KCNC4: variants seen among roughly 807,000 people sequenced by gnomAD.
KCNC4 encodes voltage-gated potassium channel KCNC4.
A neutral mutation model predicts 42.8 loss-of-function variants in KCNC4; 23 were observed. The observed-to-expected ratio is 0.54, with a 90% CI of 0.39 to 0.76. The LOEUF (loss-of-function observed/expected upper bound fraction) is 0.76, where lower values mean the gene tolerates loss of function less well. Among genes scored for constraint, KCNC4 ranks in the 30% least tolerant of loss-of-function variants. KCNC4 has a pLI of 0.00. For synonymous variants in KCNC4, 422 were observed against 393.5 expected, an observed-to-expected ratio of 1.07 and a Z score of -0.86; for missense variants, 751 against 898.2, an observed-to-expected ratio of 0.84 and a Z score of 2.10.
At chr1:110,274,877 T>C (rs1208628519) in intron 1 of KCNC4, among the ~76,000 whole-genome samples, 5 of 152,138 alleles carry the variant, frequency 3.3e-5, no homozygotes, top group Non-Finnish European at 7.4e-5. Flanking sequence ...GATGGATAAA[T>C]ACTTAAATGT....
Position 110,223,884 on chromosome 1 carries a change from C to T in KCNC4, c.1599C>T (p.Ile533=), listed in dbSNP as rs770979171. The change falls in exon 2 of 4, where the codon ATC becomes ATT. Residue 533 remains isoleucine (I), a synonymous_variant. Transcript: ENST00000438661. This position sits in a 1 kb window ranked among gnomAD's most constrained non-coding sequence, Gnocchi z 7.5. ...CCCCTGCCCGGGAAGAGGGTATGAT[C>T]GAGAGGAAACGGGCAGGTGAGATTA... The part of the protein sequence containing the change: ...TSPPAREEGM[I]ERKRADSKQN... 16 of 1,594,714 alleles carry T rather than the reference C, an allele frequency of 1.0e-5. No individual in the cohort carries two copies. The highest frequency in any genetic ancestry group is 5.1e-5 in the Admixed American group (3 of 59,006).
chr1:110,214,675 C>T (rs1571023467), intron 1 of KCNC4, among the ~76,000 whole-genome samples: 1 of 152,272 alleles, frequency 6.6e-6, no homozygotes, highest in East Asian at 1.9e-4. Flanking sequence ...AGCCAGAGTC[C>T]CTGACTCCCA....
intron 1 of KCNC4, among the ~76,000 whole-genome samples, chr1:110,280,921 T>A (rs1308928491): frequency 1.3e-5 from 2 of 152,144 alleles, no homozygotes; most frequent in Non-Finnish European, 2.9e-5. Flanking sequence ...TACCCAGAGC[T>A]GCCCAGTGAT....
chr1:110,274,832 C>A (rs1659690260), intron 1 of KCNC4, among the ~76,000 whole-genome samples: 1 of 152,104 alleles, frequency 6.6e-6, no homozygotes, highest in Admixed American at 6.5e-5. Flanking sequence ...TAAAACTGGA[C>A]CCCTGTCCCT....
chr1:110,283,532 C>T (rs942344199), downstream of KCNC4, among the ~76,000 whole-genome samples: 11 of 152,178 alleles, frequency 7.2e-5, no homozygotes, highest in African/African-American at 2.7e-4. Flanking sequence ...AGTGGAGACA[C>T]ACTGACTGGT....
In KCNC4 at chr1:110,210,361, C is replaced by T. The variant is rs896492493; in HGVS notation, c.-1139C>T. Among the ~76,000 whole-genome samples the T allele has an allele frequency of 1.3e-5, 2 of 151,628 alleles. No homozygotes were observed. Among genetic ancestry groups the T allele is most frequent in the Non-Finnish European group, 2.9e-5 (2 of 67,850 alleles). ...CAGCGCCGGAGGGAGACCATGAGCC[C>T]CTAGGGCCCCAGCCCACCGGCGCCG... On this transcript the variant is annotated 5_prime_UTR_variant, in exon 1 of 4. Coordinates refer to ENST00000438661, the MANE Select transcript of KCNC4 (RefSeq NM_001039574.3).
At chr1:110,224,040 A>G (rs543296604) in intron 2 of KCNC4, 140 bp downstream of exon 2, 94 of 707,926 alleles carry the variant, frequency 1.3e-4, no homozygotes, top group African/African-American at 2.7e-4. Flanking sequence ...TATGAGGGCA[A>G]AGTGTTGAGG....
At chr1:110,277,892 C>T (rs1317365446) in intron 1 of KCNC4, among the ~76,000 whole-genome samples, 6 of 152,210 alleles carry the variant, frequency 3.9e-5, no homozygotes, top group Non-Finnish European at 7.3e-5. Flanking sequence ...TGGCTAATGC[C>T]TGTAATCCCA....
rs772206644 is a variant in KCNC4, at chr1:110,225,962, G to A, written c.1616-13G>A. 2 of 1,566,852 alleles carry A rather than the reference G, an allele frequency of 1.3e-6. No homozygotes were observed. Among genetic ancestry groups the A allele is most frequent in the East Asian group, 2.3e-5 (1 of 44,314 alleles). On this transcript the variant is annotated splice_polypyrimidine_tract_variant and intron_variant, in intron 2 of 3. Coordinates refer to ENST00000438661, the MANE Select transcript of KCNC4 (RefSeq NM_001039574.3). ...GCCCCTCATGCAGCCTCCTTTCTGTGTGCCCCCTTCAGACTCTAAGCAGAA... is the reference window on the plus strand; with the variant it reads ...GCCCCTCATGCAGCCTCCTTTCTGTATGCCCCCTTCAGACTCTAAGCAGAA...
chr1:110,236,491 C>A (rs1442132926), downstream of KCNC4: 1 of 152,140 alleles, frequency 6.6e-6, no homozygotes, highest in Non-Finnish European at 1.5e-5. Flanking sequence ...GTATTGTTTT[C>A]CCCTTTTACA....
chr1:110,264,886 A>C (rs752529221), intron 1 of KCNC4, among the ~76,000 whole-genome samples: 1 of 152,158 alleles, frequency 6.6e-6, no homozygotes, highest in Non-Finnish European at 1.5e-5. Flanking sequence ...GTTCGAAACC[A>C]GCCTGGTCAA....
exon 4 of KCNC4, chr1:110,239,102 C>T (rs1041209466): frequency 5.3e-5 from 8 of 152,336 alleles, no homozygotes; most frequent in African/African-American, 1.7e-4. Context: ...TCATGTCACC[C>T]CTGCTTAGAA....
intron 3 of KCNC4, among the ~76,000 whole-genome samples, chr1:110,227,773 T>C (rs1171252350): frequency 6.6e-6 from 1 of 152,014 alleles, no homozygotes; most frequent in Non-Finnish European, 1.5e-5. Flanking sequence ...TGTGAGGGGC[T>C]CAGTGGAAAT....
intron 3 of KCNC4, among the ~76,000 whole-genome samples, chr1:110,227,598 G>A (rs998488465): frequency 2.0e-5 from 3 of 152,104 alleles, no homozygotes; most frequent in South Asian, 2.1e-4. Context: ...CTTCTCTCCC[G>A]CCGACCATCC....
chr1:110,273,076 A>T (rs976271149), intron 1 of KCNC4, among the ~76,000 whole-genome samples: 4 of 152,230 alleles, frequency 2.6e-5, no homozygotes, highest in African/African-American at 9.6e-5. Context: ...AAGGAGAGGA[A>T]GGAGGAAAGC....
At chr1:110,226,425 TA>T (rs1658399869) in intron 3 of KCNC4, 2 of 543,090 alleles carry the variant, frequency 3.7e-6, no homozygotes, top group East Asian at 6.5e-5. Context: ...CGCTAGAGGG[TA>T]AAGGGTGCAC....
downstream of KCNC4, among the ~76,000 whole-genome samples, chr1:110,254,038 C>G (rs985699311): frequency 6.6e-6 from 1 of 151,014 alleles, no homozygotes. Context: ...GAAGGAAAAC[C>G]CTCAGAGGCC....
chr1:110,246,684 C>T (rs1279741937), exon 4 of KCNC4: 2 of 152,122 alleles, frequency 1.3e-5, no homozygotes, highest in Non-Finnish European at 2.9e-5. Flanking sequence ...TACACGCTTC[C>T]CTTTGCTTGG....
intron 1 of KCNC4, among the ~76,000 whole-genome samples, chr1:110,280,307 CAG>C (rs1184987752): frequency 1.3e-5 from 2 of 152,066 alleles, no homozygotes; most frequent in East Asian, 1.9e-4. Flanking sequence ...GCCCTTCAAA[CAG>C]AGAGATTCTG....
Sources: allele counts gnomAD v4.1 joint callset (sites outside exome capture counted in the v4.1 genomes callset), GRCh38; gene constraint gnomAD v4.1.1; non-coding constraint Gnocchi (gnomAD v3.1); transcripts MANE v1.5; gene names NCBI Gene and HGNC (gene_info 2026-07-23, HGNC 2026-07-21).